The following CACNA2D1 variants were observed in gnomAD, a reference collection of about 807,000 sequenced individuals.
CACNA2D1 encodes voltage-dependent calcium channel subunit alpha-2/delta-1.
CACNA2D1 carries 53 observed loss-of-function variants against 171.5 expected under a neutral mutation model. The ratio of observed to expected loss-of-function variants is 0.31; its 90% confidence interval spans 0.25 to 0.39. The LOEUF is 0.39. CACNA2D1 is among the 10% of genes least tolerant of loss of function. CACNA2D1 has a pLI of 1.00. For synonymous variants in CACNA2D1, 442 were observed against 443.1 expected, an observed-to-expected ratio of 1.00 and a Z score of 0.03; for missense variants, 903 against 1,299.8, an observed-to-expected ratio of 0.69 and a Z score of 4.69.
intron 3 of CACNA2D1, among the ~76,000 whole-genome samples, chr7:82,217,596 C>A: frequency 7.0e-6 from 1 of 143,722 alleles, no homozygotes; most frequent in Non-Finnish European, 1.5e-5. Flanking sequence ...TATACTGTTG[C>A]CAAAAACTGA....
chr7:82,350,638 T>C (rs935366594), intron 1 of CACNA2D1, among the ~76,000 whole-genome samples: 5 of 152,038 alleles, frequency 3.3e-5, no homozygotes, highest in Non-Finnish European at 5.9e-5. Flanking sequence ...GCACTCCAGC[T>C]CGGGCGACAG....
chr7:82,422,008 G>A (rs73158801), intron 1 of CACNA2D1, among the ~76,000 whole-genome samples: 26,914 of 152,040 alleles, frequency 0.18, 3,034 homozygotes, highest in East Asian at 0.46. Flanking sequence ...TCCCCTAAGT[G>A]AAGCTGTTCA....
rs563408956 is a variant in CACNA2D1, at chr7:82,245,283, T to C, written c.295-74674A>G. On this transcript the variant is annotated intron_variant, in intron 3 of 38. Coordinates refer to ENST00000356860, the MANE Select transcript of CACNA2D1 (RefSeq NM_000722.4). Reference sequence around the variant, plus strand: ...TTCCTCACATCACTGTCATCACAGGTGAGGCAAAAGTCTCTGAATCCCCTT... The same window carrying C: ...TTCCTCACATCACTGTCATCACAGGCGAGGCAAAAGTCTCTGAATCCCCTT... Among the ~76,000 whole-genome samples the C allele has an allele frequency of 5.9e-5, 9 of 152,306 alleles. No homozygotes were observed. In the South Asian group the frequency reaches 1.7e-3, roughly 28 times the overall value.
At chr7:82,340,195 C>T (rs1178413028) in intron 2 of CACNA2D1, among the ~76,000 whole-genome samples, 1 of 152,128 alleles carries the variant, frequency 6.6e-6, no homozygotes, top group African/African-American at 2.4e-5. Context: ...TGAAGAGCTC[C>T]CAGCAGAGTC....
chr7:82,215,130 A>G (rs2129233939), intron 3 of CACNA2D1, among the ~76,000 whole-genome samples: 1 of 152,312 alleles, frequency 6.6e-6, no homozygotes, highest in African/African-American at 2.4e-5. Context: ...GGCCTCTCCA[A>G]AAAAATGATG....
At chr7:82,042,635 C>G (rs915693831) in intron 10 of CACNA2D1, among the ~76,000 whole-genome samples, 2 of 152,102 alleles carry the variant, frequency 1.3e-5, no homozygotes, top group African/African-American at 4.8e-5. Flanking sequence ...ACATGGGCAT[C>G]TGGGGTAAAA....
chr7:82,378,937 TC>T (rs1823339403), intron 1 of CACNA2D1, among the ~76,000 whole-genome samples: 2 of 108,514 alleles, frequency 1.8e-5, no homozygotes, highest in Admixed American at 1.1e-4. Context: ...AGGGGTTGAC[TC>T]GTGTGTGTGT....
chr7:82,086,770 T>C (rs1374919164), intron 6 of CACNA2D1, among the ~76,000 whole-genome samples: 4 of 152,154 alleles, frequency 2.6e-5, no homozygotes, highest in African/African-American at 4.8e-5. Flanking sequence ...TAACATCTAG[T>C]TATTTTTAAT....
At chr7:82,352,708 C>T (rs1457458041) in intron 1 of CACNA2D1, among the ~76,000 whole-genome samples, 3 of 152,040 alleles carry the variant, frequency 2.0e-5, no homozygotes, top group East Asian at 1.9e-4. Flanking sequence ...TGGTATGAGA[C>T]GGTTGATAGA....
chr7:82,163,308 A>G (rs1795124695), intron 4 of CACNA2D1, among the ~76,000 whole-genome samples: 1 of 152,058 alleles, frequency 6.6e-6, no homozygotes, highest in African/African-American at 2.4e-5. Context: ...TTTAAAAACA[A>G]CTTTTTGGAG....
At position 82,425,837 on chromosome 7, in the gene CACNA2D1, T is replaced by C. The variant is rs540468460; in HGVS notation, c.95+17528A>G. Among the ~76,000 whole-genome samples, 506 of 150,886 alleles carry C rather than the reference T, an allele frequency of 3.4e-3. 8 individuals carry two copies. Among genetic ancestry groups the C allele is most frequent in the African/African-American group, 0.011 (470 of 41,268 alleles). ...TTTGCATAAAATGCCTTTATGAAGA[T>C]TCTGTTTGGGGCTGGGCGTGGTGGC... is the stretch of plus-strand genomic sequence containing the variant. On this transcript the variant is annotated intron_variant, in intron 1 of 38. Coordinates refer to ENST00000356860, the MANE Select transcript of CACNA2D1 (RefSeq NM_000722.4).
chr7:82,203,397 C>T (rs762635857), intron 3 of CACNA2D1, among the ~76,000 whole-genome samples: 6 of 152,122 alleles, frequency 3.9e-5, no homozygotes, highest in Admixed American at 6.5e-5. Context: ...CTTGCCTTCA[C>T]GGGAGGGCGA....
chr7:82,355,428 A>T (rs1328907533), intron 1 of CACNA2D1, among the ~76,000 whole-genome samples: 4 of 152,180 alleles, frequency 2.6e-5, no homozygotes, highest in Non-Finnish European at 5.9e-5. Context: ...CCCTGACTTC[A>T]AGTCTCCAAC....
chr7:82,116,103 A>C (rs1789006369), intron 6 of CACNA2D1, among the ~76,000 whole-genome samples: 1 of 152,194 alleles, frequency 6.6e-6, no homozygotes. Context: ...GGAATACAAG[A>C]AACACGTTCT....
chr7:82,428,417 A>G (rs1322275248), intron 1 of CACNA2D1, among the ~76,000 whole-genome samples: 1 of 152,146 alleles, frequency 6.6e-6, no homozygotes, highest in East Asian at 1.9e-4. Context: ...GTTGCATTTT[A>G]TTTATTTATT....
At chr7:82,367,800 T>C (rs893147807) in intron 1 of CACNA2D1, among the ~76,000 whole-genome samples, 1 of 152,148 alleles carries the variant, frequency 6.6e-6, no homozygotes, top group African/African-American at 2.4e-5. Context: ...ATCCAATAAT[T>C]TCTCTTTTTT....
rs201410984 is a variant in CACNA2D1 at position 81,989,555 on chromosome 7, AAGAGTCAT to A, written c.1796+1622_1796+1629del. Among the ~76,000 whole-genome samples, 243 of 152,308 alleles carry A rather than the reference AAGAGTCAT, an allele frequency of 1.6e-3. 3 individuals are homozygous for A. In the East Asian group the frequency reaches 0.017, roughly 11 times the overall value. On this transcript the variant is annotated intron_variant, in intron 21 of 38. Transcript: ENST00000356860. Reference sequence around the variant, plus strand: ...TACAGGTTTGGAGAGTGAAGTGATCAAGAGTCATCTACGAGAGTCCTAAAATTACAGGA... The same window carrying A: ...TACAGGTTTGGAGAGTGAAGTGATCACTACGAGAGTCCTAAAATTACAGGA...
chr7:82,128,098 T>G (rs1028858445), intron 5 of CACNA2D1, among the ~76,000 whole-genome samples: 17 of 119,048 alleles, frequency 1.4e-4, no homozygotes, highest in South Asian at 2.7e-4. Context: ...TAATTTTAGT[T>G]TTTTTTTTTT....
At chr7:81,965,462 G>A in intron 32 of CACNA2D1, 132 bp downstream of exon 32, 2 of 701,590 alleles carry the variant, frequency 2.9e-6, no homozygotes, top group Non-Finnish European at 2.6e-6. Flanking sequence ...ATAACATTAA[G>A]CATTTTACAA....
Sources: gnomAD v4.1 joint callset for allele counts (sites outside exome capture counted in the v4.1 genomes callset) on GRCh38, gnomAD v4.1.1 for gene constraint, MANE v1.5 for transcripts, NCBI Gene and HGNC (gene_info 2026-07-23, HGNC 2026-07-21) for gene names.